ANO4: variants seen among roughly 807,000 people sequenced by gnomAD.
ANO4 encodes anoctamin-4.
A neutral mutation model predicts 141.9 loss-of-function variants in ANO4; 69 were observed. That is an observed-to-expected ratio of 0.49 (90% CI 0.40 to 0.59). The LOEUF (loss-of-function observed/expected upper bound fraction) is 0.59, where lower values mean the gene tolerates loss of function less well. Ranked by LOEUF, ANO4 falls within the 20% of genes least tolerant of loss-of-function variation. The probability of loss-of-function intolerance (pLI) is 0.00; values close to 1 mark genes in which losing one functional copy is unlikely to be tolerated. For missense variants in ANO4, 894 were observed against 1,162.2 expected (o/e 0.77, Z 3.36); for synonymous variants, 350 against 394.3 (o/e 0.89, Z 1.33).
chr12:101,044,802 G>T (rs572964377), intron 13 of ANO4, among the ~76,000 whole-genome samples: 1 of 152,288 alleles, frequency 6.6e-6, no homozygotes, highest in African/African-American at 2.4e-5. Flanking sequence ...AATGCTCTGA[G>T]CCCTATCTTT....
intron 1 of ANO4, among the ~76,000 whole-genome samples, chr12:100,839,683 T>C (rs2037134880): frequency 6.6e-6 from 1 of 152,228 alleles, no homozygotes; most frequent in Non-Finnish European, 1.5e-5. Flanking sequence ...GAAGTGAACA[T>C]TTTAAAGATT....
At chr12:100,798,781 C>T (rs2034503090) in intron 1 of ANO4, among the ~76,000 whole-genome samples, 1 of 152,190 alleles carries the variant, frequency 6.6e-6, no homozygotes, top group Admixed American at 6.5e-5. Context: ...GCTGTTTGCT[C>T]TTAAGTCTGA....
At chr12:100,905,185 T>G (rs2040782485) in intron 2 of ANO4, among the ~76,000 whole-genome samples, 1 of 151,914 alleles carries the variant, frequency 6.6e-6, no homozygotes, top group African/African-American at 2.4e-5. Flanking sequence ...ATGTCTGGAG[T>G]TTGAAAGATG....
intron 1 of ANO4, among the ~76,000 whole-genome samples, chr12:100,895,963 A>G (rs2040329696): frequency 6.6e-6 from 1 of 152,062 alleles, no homozygotes; most frequent in South Asian, 2.1e-4. Flanking sequence ...CATAGGCTTG[A>G]TGTTTAGGAG....
chr12:100,739,830 C>T (rs745942564), intron 2 of ANO4: 2 of 700,056 alleles, frequency 2.9e-6, no homozygotes, highest in South Asian at 3.0e-5. Flanking sequence ...TGCTGCCACT[C>T]ACCTAATATG....
At chr12:101,064,097 A>C (rs1381649368) in intron 14 of ANO4, among the ~76,000 whole-genome samples, 10 of 151,882 alleles carry the variant, frequency 6.6e-5, no homozygotes, top group Non-Finnish European at 7.4e-5. Context: ...CTAATTTCTT[A>C]AGGTAAATGC....
At chr12:101,090,203 A>G (rs796621394) in intron 17 of ANO4, among the ~76,000 whole-genome samples, 20 of 152,332 alleles carry the variant, frequency 1.3e-4, no homozygotes, top group African/African-American at 4.8e-4. Context: ...TTCCTCAAGG[A>G]TCTAGAACTA....
chr12:100,911,253 A>G (rs1412492811), intron 2 of ANO4, among the ~76,000 whole-genome samples: 1 of 152,190 alleles, frequency 6.6e-6, no homozygotes, highest in Non-Finnish European at 1.5e-5. Flanking sequence ...TACCTTGCCT[A>G]AGGTTATACA....
At chr12:101,028,552 T>C (rs892972664) in intron 9 of ANO4, among the ~76,000 whole-genome samples, 7 of 152,106 alleles carry the variant, frequency 4.6e-5, no homozygotes, top group South Asian at 4.1e-4. Flanking sequence ...AGTAGCTGAA[T>C]TGACCAAGAG....
At chr12:100,907,600 T>G (rs2040904430) in intron 2 of ANO4, among the ~76,000 whole-genome samples, 1 of 152,178 alleles carries the variant, frequency 6.6e-6, no homozygotes, top group Non-Finnish European at 1.5e-5. Context: ...AATAAATGAT[T>G]TTATGTTGTT....
At chr12:100,718,134 T>G (rs1007405541) in intron 1 of ANO4, among the ~76,000 whole-genome samples, 2 of 152,194 alleles carry the variant, frequency 1.3e-5, no homozygotes, top group Non-Finnish European at 2.9e-5. Flanking sequence ...TTTTGTTAAA[T>G]AAATATATAT....
At chr12:100,867,034 C>A (rs1021460710) in intron 1 of ANO4, among the ~76,000 whole-genome samples, 1 of 152,110 alleles carries the variant, frequency 6.6e-6, no homozygotes, top group African/African-American at 2.4e-5. Context: ...CCGCAGTAAG[C>A]AAATGGATCC....
Position 100,969,884 on chromosome 12 carries a change from A to G in ANO4, c.457-1422A>G, listed in dbSNP as rs1309420713. 2.0e-5 allele frequency among the ~76,000 whole-genome samples: 3 copies of G among 152,326 alleles called. No individual in the cohort carries two copies. In the East Asian group the frequency reaches 5.8e-4, roughly 29 times the overall value. ...TTACTAATTTAAACTAGCTTGGCTC[A>G]TATTTTCTCACTTTCCTTCTACAAC... On this transcript the variant is annotated intron_variant, in intron 5 of 27. Transcript: ENST00000392977.
At chr12:100,851,395 T>A (rs1169602166) in intron 1 of ANO4, among the ~76,000 whole-genome samples, 1 of 152,172 alleles carries the variant, frequency 6.6e-6, no homozygotes, top group Non-Finnish European at 1.5e-5. Context: ...GACTTGCTGC[T>A]TTTTCCCAGA....
chr12:100,859,645 G>T (rs1323392708), intron 1 of ANO4, among the ~76,000 whole-genome samples: 2 of 152,128 alleles, frequency 1.3e-5, no homozygotes, highest in East Asian at 3.9e-4. Context: ...AATGTATTTT[G>T]TTTGCATCCA....
intron 17 of ANO4, among the ~76,000 whole-genome samples, chr12:101,090,132 G>A (rs1483830300): frequency 2.0e-5 from 3 of 152,122 alleles, no homozygotes; most frequent in Admixed American, 1.3e-4. Context: ...AAATAGGAAA[G>A]CTTTTACACT....
intron 9 of ANO4, among the ~76,000 whole-genome samples, chr12:101,028,093 T>C (rs2046815866): frequency 6.6e-6 from 1 of 152,104 alleles, no homozygotes; most frequent in Non-Finnish European, 1.5e-5. Flanking sequence ...AGGAGGGACC[T>C]GACCAGTGAA....
chr12:100,788,708 T>C (rs533850433), intron 3 of ANO4, among the ~76,000 whole-genome samples: 1 of 152,152 alleles, frequency 6.6e-6, no homozygotes, highest in African/African-American at 2.4e-5. Context: ...GTATATTGAG[T>C]GTGTATTATG....
intron 3 of ANO4, among the ~76,000 whole-genome samples, chr12:100,753,370 G>A (rs990634312): frequency 2.0e-5 from 3 of 152,136 alleles, no homozygotes; most frequent in African/African-American, 7.2e-5. Context: ...CCCCAAAGAG[G>A]CCATTTTATT....
Sources: allele counts gnomAD v4.1 joint callset (sites outside exome capture counted in the v4.1 genomes callset), GRCh38; gene constraint gnomAD v4.1.1; transcripts MANE v1.5; gene names NCBI Gene and HGNC (gene_info 2026-07-23, HGNC 2026-07-21).